Variants in NEBL observed in about 807,000 individuals in gnomAD.
NEBL encodes the protein nebulette.
In NEBL, 122 loss-of-function variants were observed where a neutral mutation model predicts 140.2. The ratio of observed to expected loss-of-function variants is 0.87; its 90% confidence interval spans 0.75 to 1.01. The LOEUF (loss-of-function observed/expected upper bound fraction) is 1.01, where lower values mean the gene tolerates loss of function less well. Among genes scored for constraint, NEBL ranks in the 50% least tolerant of loss-of-function variants. The probability of loss-of-function intolerance (pLI) is 0.00; values close to 1 mark genes in which losing one functional copy is unlikely to be tolerated. For synonymous variants in NEBL, 436 were observed against 398.9 expected (o/e 1.09, Z -1.11); for missense variants, 1,365 against 1,231.3 (o/e 1.11, Z -1.62).
intron 3 of NEBL, among the ~76,000 whole-genome samples, chr10:20,979,813 C>A (rs973968083): frequency 3.3e-5 from 5 of 152,006 alleles, no homozygotes; most frequent in African/African-American, 1.2e-4. Flanking sequence ...CTCAAGCAAT[C>A]CTCCTACCTC....
At chr10:21,230,121 G>C (rs1445504122) in intron 3 of NEBL, among the ~76,000 whole-genome samples, 2 of 152,086 alleles carry the variant, frequency 1.3e-5, no homozygotes, top group Non-Finnish European at 2.9e-5. Flanking sequence ...TTGGAATTTT[G>C]ACAGCCCATA....
At chr10:21,251,920 GAGAA>G in intron 1 of NEBL, among the ~76,000 whole-genome samples, 1 of 152,222 alleles carries the variant, frequency 6.6e-6, no homozygotes, top group South Asian at 2.1e-4. Context: ...CCTCAAAATG[GAGAA>G]CAAGATAAAG....
intron 1 of NEBL, among the ~76,000 whole-genome samples, chr10:21,271,595 G>A (rs1015407761): frequency 1.3e-5 from 2 of 148,362 alleles, no homozygotes; most frequent in Admixed American, 6.8e-5. Context: ...TTACGATCTC[G>A]GCTCACTGCA....
At chr10:21,182,018 C>T (rs531350557) in intron 3 of NEBL, among the ~76,000 whole-genome samples, 6 of 152,234 alleles carry the variant, frequency 3.9e-5, no homozygotes, top group Non-Finnish European at 8.8e-5. Flanking sequence ...CATCAGCAGA[C>T]GCATCTGATG....
At chr10:21,107,417 T>C (rs1230361044) in intron 2 of NEBL, among the ~76,000 whole-genome samples, 2 of 152,198 alleles carry the variant, frequency 1.3e-5, no homozygotes, top group African/African-American at 4.8e-5. Flanking sequence ...CTGCATCTAT[T>C]GAGAGAATCA....
intron 26 of NEBL, 21 bp downstream of exon 26, chr10:20,808,489 T>G (rs1200988220): frequency 1.2e-6 from 2 of 1,612,722 alleles, no homozygotes; most frequent in African/African-American, 1.3e-5. Context: ...ATTTTCTTTG[T>G]AAGCAGTGAA....
At chr10:21,035,868 A>C (rs1219052586) in intron 2 of NEBL, among the ~76,000 whole-genome samples, 1 of 152,124 alleles carries the variant, frequency 6.6e-6, no homozygotes, top group Non-Finnish European at 1.5e-5. Flanking sequence ...AGAGTTGTTT[A>C]AAAGAATAAA....
At chr10:20,992,236 T>C (rs7915328) in intron 3 of NEBL, among the ~76,000 whole-genome samples, 30,423 of 152,154 alleles carry the variant, frequency 0.2, 6,598 homozygotes, top group African/African-American at 0.53. Context: ...ATTTTTTATG[T>C]TTTATGACTA....
chr10:21,034,745 G>A (rs1833946234), intron 2 of NEBL, among the ~76,000 whole-genome samples: 1 of 152,188 alleles, frequency 6.6e-6, no homozygotes, highest in Non-Finnish European at 1.5e-5. Flanking sequence ...TTTAAATATG[G>A]TTTTTCAGGA....
chr10:21,247,243 G>A lies in NEBL; in HGVS notation n.348+678C>T, dbSNP rs1197342945. Among the ~76,000 whole-genome samples, 4 of 152,278 alleles carry A rather than the reference G, an allele frequency of 2.6e-5. No individual in the cohort carries two copies. The East Asian group carries it at 7.7e-4, about 29-fold the overall frequency. On this transcript the variant is annotated intron_variant and non_coding_transcript_variant, in intron 3 of 8. Coordinates refer to the NEBL transcript ENST00000675702. ...AGTTATTTATAGCAGTGTGAGAACAGACTAATATACGTACAACGGAATACT... is the reference window on the plus strand; with the variant it reads ...AGTTATTTATAGCAGTGTGAGAACAAACTAATATACGTACAACGGAATACT...
intron 2 of NEBL, among the ~76,000 whole-genome samples, chr10:20,894,245 G>C (rs1312060591): frequency 6.6e-6 from 1 of 151,990 alleles, no homozygotes; most frequent in African/African-American, 2.4e-5. Context: ...CGATGCAGGA[G>C]AATCACTTAA....
intron 2 of NEBL, among the ~76,000 whole-genome samples, chr10:21,141,356 C>T (rs763279543): frequency 3.9e-5 from 6 of 151,938 alleles, no homozygotes; most frequent in Admixed American, 1.3e-4. Flanking sequence ...TTAGGGGCAA[C>T]GAGACATCTT....
At chr10:20,835,710 G>C in intron 13 of NEBL, 87 bp from the exon 14 acceptor site, 1 of 938,404 alleles carries the variant, frequency 1.1e-6, no homozygotes, top group South Asian at 1.3e-5. Context: ...AAAATAGTTA[G>C]ACATATTTTA....
rs75474000 is a variant in NEBL, at chr10:21,198,085, C to T, written n.349-25608G>A. On this transcript the variant is annotated intron_variant and non_coding_transcript_variant, in intron 3 of 8. Transcript: ENST00000675702. ...TAAATTACACAGCAAGAAAACAAAC[C>T]TGTTGGTCATGTAACGTCTGTAGCA... is the stretch of plus-strand genomic sequence containing the variant. Among the ~76,000 whole-genome samples, 311 of 152,208 alleles carry T rather than the reference C, an allele frequency of 2.0e-3. 3 individuals carry two copies. The highest frequency in any genetic ancestry group is 0.014 in the Middle Eastern group (4 of 294).
At chr10:21,251,886 A>T (rs1248113701) in intron 1 of NEBL, among the ~76,000 whole-genome samples, 3 of 152,184 alleles carry the variant, frequency 2.0e-5, no homozygotes, top group Non-Finnish European at 2.9e-5. Flanking sequence ...TTTGGTCATC[A>T]CAGCCCAAAA....
intron 2 of NEBL, chr10:21,172,220 T>C (rs1270094108): frequency 1.5e-6 from 1 of 663,908 alleles, no homozygotes; most frequent in East Asian, 2.7e-5. Context: ...AAAGCAGTGA[T>C]CGTCAACAAA....
chr10:21,220,124 G>A (rs1158139314), intron 3 of NEBL, among the ~76,000 whole-genome samples: 1 of 151,930 alleles, frequency 6.6e-6, no homozygotes, highest in Non-Finnish European at 1.5e-5. Flanking sequence ...TGTTGGCCAG[G>A]CTGGTCTCGA....
chr10:20,852,669 A>G lies in NEBL; in HGVS notation c.904-20T>C, dbSNP rs769303900. On this transcript the variant is annotated intron_variant, in intron 9 of 27. Transcript: ENST00000377122. ...TTCTCGCTAAAATACAGAATGGGGA[A>G]ATCAACTTAGAATCAAAGAGACTGA... The G allele has an allele frequency of 6.4e-7, 1 of 1,551,460 alleles. No homozygotes were observed. The highest frequency in any genetic ancestry group is 8.9e-7 in the Non-Finnish European group (1 of 1,124,310).
intron 2 of NEBL, among the ~76,000 whole-genome samples, chr10:21,147,269 C>A (rs1428336653): frequency 6.6e-6 from 1 of 152,128 alleles, no homozygotes. Flanking sequence ...GCACGTTAGC[C>A]ATTTTCACCT....
Sources: gnomAD v4.1 joint callset for allele counts (sites outside exome capture counted in the v4.1 genomes callset) on GRCh38, gnomAD v4.1.1 for gene constraint, MANE v1.5 for transcripts, NCBI Gene and HGNC (gene_info 2026-07-23, HGNC 2026-07-21) for gene names.